BBS9: variants seen among roughly 807,000 people sequenced by gnomAD.
BBS9 encodes the protein Bardet-Biedl syndrome 9.
Under a neutral mutation model 117.7 loss-of-function variants are expected in BBS9, and 89 were observed. That is an observed-to-expected ratio of 0.76 (90% CI 0.64 to 0.90). The LOEUF (loss-of-function observed/expected upper bound fraction) is 0.90, where lower values mean the gene tolerates loss of function less well. Ranked by LOEUF, BBS9 falls within the 40% of genes least tolerant of loss-of-function variation. The probability of loss-of-function intolerance (pLI) is 0.00; values close to 1 mark genes in which losing one functional copy is unlikely to be tolerated. For missense variants in BBS9, 982 were observed against 1,042.2 expected, an observed-to-expected ratio of 0.94 and a Z score of 0.80; for synonymous variants, 379 against 370.9, an observed-to-expected ratio of 1.02 and a Z score of -0.25.
chr7:33,247,668 T>G (rs1003647391), intron 5 of BBS9, among the ~76,000 whole-genome samples: 2 of 152,162 alleles, frequency 1.3e-5, no homozygotes, highest in African/African-American at 4.8e-5. Context: ...TTAACTCCCA[T>G]GTTCACCCAA....
At chr7:33,220,658 A>G (rs1018231250) in intron 5 of BBS9, among the ~76,000 whole-genome samples, 1 of 152,252 alleles carries the variant, frequency 6.6e-6, no homozygotes, top group African/African-American at 2.4e-5. Flanking sequence ...AATGAGTTCT[A>G]TGTGATACAT....
At chr7:33,281,375 T>C (rs1801866727) in intron 9 of BBS9, among the ~76,000 whole-genome samples, 1 of 138,094 alleles carries the variant, frequency 7.2e-6, no homozygotes, top group South Asian at 2.5e-4. Context: ...CCTTTTTTTT[T>C]TTTTTTTTTT....
At chr7:33,396,076 A>G (rs1214749762) in intron 19 of BBS9, among the ~76,000 whole-genome samples, 1 of 152,162 alleles carries the variant, frequency 6.6e-6, no homozygotes. Context: ...GGTGGTAAGT[A>G]AAAACAAAAC....
chr7:33,271,546 A>G (rs1799801230), intron 7 of BBS9, among the ~76,000 whole-genome samples: 2 of 152,232 alleles, frequency 1.3e-5, no homozygotes, highest in Admixed American at 6.5e-5. Context: ...GGAAAAAAGC[A>G]GGAGCTGCAA....
At chr7:33,145,234 T>C (rs1045052205) in intron 1 of BBS9, among the ~76,000 whole-genome samples, 1 of 152,150 alleles carries the variant, frequency 6.6e-6, no homozygotes, top group African/African-American at 2.4e-5. Flanking sequence ...GTAGCTACCA[T>C]TTAAATCGGT....
Position 33,366,485 on chromosome 7 carries a change from G to A in BBS9, c.1694-1282G>A, listed in dbSNP as rs187178912. On this transcript the variant is annotated intron_variant, in intron 16 of 22. Transcript: ENST00000242067. ...TAGTGTCCCCTACTTTACCATCTTG[G>A]TGACATCCTTTACCCCCGTGATGAT... is the stretch of plus-strand genomic sequence containing the variant. 4.6e-3 allele frequency among the ~76,000 whole-genome samples: 685 copies of A among 149,152 alleles called. 7 individuals are homozygous for A. Among genetic ancestry groups the A allele is most frequent in the Middle Eastern group, 0.011 (3 of 282 alleles).
intron 9 of BBS9, among the ~76,000 whole-genome samples, chr7:33,323,346 A>G (rs1038854732): frequency 2.6e-5 from 4 of 152,116 alleles, no homozygotes; most frequent in Non-Finnish European, 5.9e-5. Flanking sequence ...GTCTATAGCT[A>G]TTATTTTACA....
chr7:33,536,371 A>G (rs1851371251), intron 21 of BBS9, among the ~76,000 whole-genome samples: 1 of 152,218 alleles, frequency 6.6e-6, no homozygotes, highest in Non-Finnish European at 1.5e-5. Context: ...TGTTGTCATT[A>G]ACATGCTTAA....
chr7:33,599,876 A>AGTGGTG (rs1213097170), intron 21 of BBS9, among the ~76,000 whole-genome samples: 1 of 152,144 alleles, frequency 6.6e-6, no homozygotes, highest in Non-Finnish European at 1.5e-5. Context: ...TCCACCTAGC[A>AGTGGTG]GTGGTGAGGG....
downstream of BBS9, among the ~76,000 whole-genome samples, chr7:33,610,635 T>C (rs187722304): frequency 2.2e-3 from 341 of 152,184 alleles, 2 homozygotes; most frequent in African/African-American, 7.8e-3. Context: ...CTTAACAGTC[T>C]CGCCTCTAAA....
chr7:33,446,487 G>C (rs1418686405), intron 19 of BBS9, among the ~76,000 whole-genome samples: 2 of 152,028 alleles, frequency 1.3e-5, no homozygotes, highest in Non-Finnish European at 1.5e-5. Flanking sequence ...AAGTCTAAAA[G>C]CAGGCAAACA....
At position 33,605,369 on chromosome 7, in the gene BBS9, G is replaced by A; in HGVS notation, c.*143G>A. 1 of 870,118 alleles carries A rather than the reference G, an allele frequency of 1.1e-6. No homozygotes were observed. Among genetic ancestry groups the A allele is most frequent in the Admixed American group, 1.9e-5 (1 of 52,138 alleles). The allele number at this position is 870,118 out of a possible 1,614,324, so 53.9% of individuals were successfully genotyped here. A position where few individuals can be genotyped will look rare whatever the true frequency, so the allele number is the denominator to read the frequency against. ...TGGAGATGACATGCATAGAAAGAGG[G>A]GTTGGGACTTTTTACTTCACTAGGA... On this transcript the variant is annotated 3_prime_UTR_variant, in exon 23 of 23. Coordinates refer to ENST00000242067, the MANE Select transcript of BBS9 (RefSeq NM_198428.3).
chr7:33,304,667 T>C (rs2128532308), intron 9 of BBS9, among the ~76,000 whole-genome samples: 1 of 151,186 alleles, frequency 6.6e-6, no homozygotes, highest in Admixed American at 6.6e-5. Context: ...GAATGGGCCA[T>C]GATGACGATG....
intron 19 of BBS9, among the ~76,000 whole-genome samples, chr7:33,408,676 G>T (rs971995926): frequency 2.0e-5 from 3 of 152,156 alleles, no homozygotes; most frequent in African/African-American, 4.8e-5. Flanking sequence ...ATGAACATAT[G>T]GGTGCATGTC....
chr7:33,152,905 A>T, intron 3 of BBS9, 54 bp downstream of exon 3: 1 of 1,567,476 alleles, frequency 6.4e-7, no homozygotes. Context: ...AATCCTTTAC[A>T]GTGTCACTTT....
intron 7 of BBS9, 45 bp downstream of exon 7, chr7:33,264,419 C>A: frequency 1.8e-6 from 2 of 1,091,646 alleles, no homozygotes; most frequent in South Asian, 1.5e-5. Flanking sequence ...AATGCTATAT[C>A]TAATCACATA....
intron 16 of BBS9, among the ~76,000 whole-genome samples, chr7:33,366,024 A>T (rs529063192): frequency 7.2e-5 from 11 of 152,306 alleles, no homozygotes; most frequent in Admixed American, 6.5e-4. Flanking sequence ...TGTCTGAAGT[A>T]TGCACATTCA....
In BBS9 at chr7:33,134,207, G is replaced by A. The variant is rs370127758; in HGVS notation, c.-12+4166G>A. Among the ~76,000 whole-genome samples, 8 of 147,260 alleles carry A rather than the reference G, an allele frequency of 5.4e-5. No homozygotes were observed. In the East Asian group the frequency reaches 8.1e-4, roughly 15 times the overall value. On this transcript the variant is annotated intron_variant, in intron 1 of 22. Coordinates refer to ENST00000242067, the MANE Select transcript of BBS9 (RefSeq NM_198428.3). ...TGGGCTTACAGGCACCTGCCATCAC[G>A]CCTGGCTATTTTTTTTTTTTTTTTT...
At chr7:33,241,372 A>C (rs1794502236) in intron 5 of BBS9, among the ~76,000 whole-genome samples, 1 of 152,146 alleles carries the variant, frequency 6.6e-6, no homozygotes, top group South Asian at 2.1e-4. Flanking sequence ...GTGCTTCTGC[A>C]GTTTCTTATC....
Sources: allele counts gnomAD v4.1 joint callset (sites outside exome capture counted in the v4.1 genomes callset), GRCh38; gene constraint gnomAD v4.1.1; transcripts MANE v1.5; gene names NCBI Gene and HGNC (gene_info 2026-07-23, HGNC 2026-07-21).